RTN3: variants seen among roughly 807,000 people sequenced by gnomAD.
RTN3 encodes reticulon-3.
RTN3 carries 49 observed loss-of-function variants against 77.8 expected under a neutral mutation model. The ratio of observed to expected loss-of-function variants is 0.63; its 90% CI spans 0.50 to 0.80. The LOEUF (loss-of-function observed/expected upper bound fraction) is 0.80, where lower values mean the gene tolerates loss of function less well. Among genes scored for constraint, RTN3 ranks in the 30% least tolerant of loss-of-function variants. The pLI is 0.00. For missense variants in RTN3, 1,236 were observed against 1,211.9 expected, an observed-to-expected ratio of 1.02 and a Z score of -0.29; for synonymous variants, 464 against 446.9, an observed-to-expected ratio of 1.04 and a Z score of -0.48.
intron 3 of RTN3, among the ~76,000 whole-genome samples, chr11:63,748,782 C>T (rs1261500319): frequency 6.6e-6 from 1 of 151,712 alleles, no homozygotes; most frequent in East Asian, 1.9e-4. Flanking sequence ...ATTCTCCTAC[C>T]TCAGCCTCCT....
At chr11:63,713,960 C>T (rs1479318174) in intron 2 of RTN3, 2 of 514,070 alleles carry the variant, frequency 3.9e-6, no homozygotes, top group Non-Finnish European at 7.8e-6. Context: ...ACTTTTCTGT[C>T]CTTTTGCCAG....
intron 8 of RTN3, 29 bp from the exon 9 acceptor site, chr11:63,758,127 C>G: frequency 6.8e-7 from 1 of 1,470,662 alleles, no homozygotes; most frequent in Non-Finnish European, 9.3e-7. Flanking sequence ...TTTTCACTTT[C>G]TTTCTTTTTC....
At chr11:63,757,035 T>G (rs1456778089) in intron 8 of RTN3, among the ~76,000 whole-genome samples, 3 of 152,072 alleles carry the variant, frequency 2.0e-5, no homozygotes, top group Non-Finnish European at 2.9e-5. Context: ...ACAGTGAGAC[T>G]CCGTCTCAAA....
intron 2 of RTN3, among the ~76,000 whole-genome samples, chr11:63,715,033 A>G (rs913607818): frequency 2.0e-5 from 3 of 152,190 alleles, no homozygotes; most frequent in Non-Finnish European, 2.9e-5. Context: ...CAGTTTTACC[A>G]TGCTCTTCCC....
At position 63,719,366 on chromosome 11, in the gene RTN3, A is replaced by G. The variant is rs1277611506; in HGVS notation, c.864A>G (p.Ser288=). The part of the protein sequence containing the change: ...HTDKESSEDI[S]ETNDKLFPLR... ...ATAAAGAATCATCCGAAGACATTTCAGAGACTAATGACAAGCTTTTTCCAC... is the reference window on the plus strand; with the variant it reads ...ATAAAGAATCATCCGAAGACATTTCGGAGACTAATGACAAGCTTTTTCCAC... Residue 288 remains serine, a synonymous_variant, in exon 3 of 9, where the codon TCA becomes TCG. Coordinates refer to ENST00000377819, the MANE Select transcript of RTN3 (RefSeq NM_001265589.2). The G allele has an allele frequency of 9.9e-6, 16 of 1,614,242 alleles. No homozygotes were observed. The highest frequency in any genetic ancestry group is 1.4e-5 in the Non-Finnish European group (16 of 1,180,044).
At chr11:63,691,114 C>CTTTTTTTTTT (rs796809025) in intron 1 of RTN3, among the ~76,000 whole-genome samples, 2 of 91,878 alleles carry the variant, frequency 2.2e-5, no homozygotes, top group Non-Finnish European at 4.2e-5. Flanking sequence ...ATTGCTAATT[C>CTTTTTTTTTT]TTTTTTTTTT....
rs1462234482 is a variant in RTN3, at chr11:63,681,810, AAG to A, written c.142+35_142+36del. ...CGCGCGGGGAGCCCCCGCCCTGGGA[AAG>A]AGGGCGAGCGGGAGCCTGGGGGCTG... On this transcript the variant is annotated intron_variant, in intron 1 of 8. Coordinates refer to ENST00000377819, the MANE Select transcript of RTN3 (RefSeq NM_001265589.2). 2.6e-6 allele frequency: 4 copies of A among 1,512,996 alleles called. No individual in the cohort carries two copies. The African/African-American group carries it at 5.7e-5, about 21-fold the overall frequency. 93.7% of individuals were successfully genotyped at this position (1,512,996 alleles called of 1,614,324 possible). A position where few individuals can be genotyped will look rare whatever the true frequency, so the allele number is the denominator to read the frequency against.
At chr11:63,748,214 C>G (rs1468583177) in intron 3 of RTN3, among the ~76,000 whole-genome samples, 1 of 150,478 alleles carries the variant, frequency 6.6e-6, no homozygotes, top group African/African-American at 2.4e-5. Flanking sequence ...ACCTGCCACT[C>G]AGAGAGTTGG....
chr11:63,719,232 C>T lies in RTN3; in HGVS notation c.730C>T (p.Pro244Ser), dbSNP rs1426493613. The T allele has an allele frequency of 6.2e-7, 1 of 1,614,092 alleles. No individual in the cohort carries two copies. The highest frequency in any genetic ancestry group is 8.5e-7 in the Non-Finnish European group (1 of 1,180,002). ...SGDDVIEKDS[P>S]ESPFEVIIDK... Reference sequence around the variant, plus strand: ...AGATGATGTTATTGAAAAGGATTCCCCTGAATCACCATTTGAAGTAATTAT... The same window carrying T: ...AGATGATGTTATTGAAAAGGATTCCTCTGAATCACCATTTGAAGTAATTAT... Residue 244 changes from proline (P) to serine (S), a missense_variant, in exon 3 of 9, where the codon CCT (proline) becomes TCT (serine). By Grantham distance (74) the Pro-to-Ser change is moderately conservative. Around this residue, in one of 3 missense-constraint regions of RTN3, gnomAD observed 1,056 missense variants for 990.4 expected, o/e 1.07. Transcript: ENST00000377819.
At chr11:63,706,831 CTT>C (rs1246963252) in intron 2 of RTN3, among the ~76,000 whole-genome samples, 3 of 151,316 alleles carry the variant, frequency 2.0e-5, no homozygotes, top group East Asian at 1.9e-4. Context: ...TATTTCCTCT[CTT>C]GTAAGTATTT....
chr11:63,703,029 C>T (rs1410019253), intron 1 of RTN3, among the ~76,000 whole-genome samples: 1 of 152,000 alleles, frequency 6.6e-6, no homozygotes, highest in Non-Finnish European at 1.5e-5. Context: ...ACTATGTCTA[C>T]GTATACACTT....
At chr11:63,754,071 C>T (rs1252942603) in intron 7 of RTN3, among the ~76,000 whole-genome samples, 1 of 152,084 alleles carries the variant, frequency 6.6e-6, no homozygotes, top group African/African-American at 2.4e-5. Flanking sequence ...GGGAGAATCC[C>T]TTGAGCCCAG....
intron 3 of RTN3, among the ~76,000 whole-genome samples, chr11:63,739,654 G>A (rs1005991757): frequency 1.3e-5 from 2 of 152,150 alleles, no homozygotes; most frequent in African/African-American, 4.8e-5. Context: ...GCACCATCAG[G>A]AGTCAGGATC....
chr11:63,716,395 TACTC>T (rs1276497884), intron 2 of RTN3, among the ~76,000 whole-genome samples: 5 of 152,234 alleles, frequency 3.3e-5, no homozygotes, highest in South Asian at 2.1e-4. Context: ...TTTTCCCAGT[TACTC>T]ATTCATGCTC....
chr11:63,746,624 C>G (rs1203669074), intron 3 of RTN3, among the ~76,000 whole-genome samples: 2 of 152,010 alleles, frequency 1.3e-5, no homozygotes, highest in African/African-American at 4.8e-5. Flanking sequence ...ACGCCATTCT[C>G]CTGCCTCAGC....
intron 2 of RTN3, among the ~76,000 whole-genome samples, chr11:63,712,321 G>A (rs991574343): frequency 9.2e-5 from 14 of 152,038 alleles, no homozygotes; most frequent in Non-Finnish European, 1.6e-4. Flanking sequence ...GACATTTATT[G>A]GGGATTTACT....
intron 1 of RTN3, among the ~76,000 whole-genome samples, chr11:63,690,529 C>A (rs1345534556): frequency 1.3e-5 from 2 of 152,180 alleles, no homozygotes; most frequent in Non-Finnish European, 2.9e-5. Flanking sequence ...TAACCCCCTT[C>A]TTACAGATGG....
At chr11:63,697,804 C>G (rs1392008030) in intron 1 of RTN3, among the ~76,000 whole-genome samples, 1 of 152,086 alleles carries the variant, frequency 6.6e-6, no homozygotes, top group African/African-American at 2.4e-5. Flanking sequence ...CCCATATCTT[C>G]TAGCAATTTT....
At chr11:63,697,085 CAT>C (rs1333763468) in intron 1 of RTN3, among the ~76,000 whole-genome samples, 1 of 150,858 alleles carries the variant, frequency 6.6e-6, no homozygotes, top group African/African-American at 2.4e-5. Context: ...GGGGTTTCAC[CAT>C]GTTAGCCAAG....
Sources: allele counts gnomAD v4.1 joint callset (sites outside exome capture counted in the v4.1 genomes callset), GRCh38; gene constraint gnomAD v4.1.1; regional missense constraint gnomAD v4.1.1; transcripts MANE v1.5; gene names NCBI Gene and HGNC (gene_info 2026-07-23, HGNC 2026-07-21).